The following CCSER1 variants were observed in gnomAD, a reference collection of about 807,000 sequenced individuals.
The protein encoded by CCSER1 is coiled-coil serine rich protein 1, also known as serine-rich coiled-coil domain-containing protein 1.
A neutral mutation model predicts 82.0 loss-of-function variants in CCSER1; 41 were observed. The observed-to-expected ratio is 0.50, with a 90% confidence interval of 0.39 to 0.65. The LOEUF is 0.65. Ranked by LOEUF, CCSER1 falls within the 30% of genes least tolerant of loss-of-function variation. CCSER1 has a pLI of 0.00. For synonymous variants in CCSER1, 414 were observed against 383.9 expected (o/e 1.08, Z -0.92); for missense variants, 1,119 against 1,064.2 (o/e 1.05, Z -0.72).
At chr4:91,455,935 G>A (rs2149424894) in intron 10 of CCSER1, among the ~76,000 whole-genome samples, 1 of 152,168 alleles carries the variant, frequency 6.6e-6, no homozygotes, top group East Asian at 1.9e-4. Flanking sequence ...GCATAGTGAA[G>A]GGGAATTCAG....
At chr4:90,183,758 G>A (rs1346433628) in intron 1 of CCSER1, among the ~76,000 whole-genome samples, 1 of 152,010 alleles carries the variant, frequency 6.6e-6, no homozygotes, top group Admixed American at 6.6e-5. Context: ...TCACAATCTG[G>A]CAGTGTTAAG....
chr4:90,143,318 T>C (rs561608283), intron 1 of CCSER1, among the ~76,000 whole-genome samples: 36 of 152,312 alleles, frequency 2.4e-4, no homozygotes, highest in African/African-American at 6.5e-4. Flanking sequence ...AAACTCTCAC[T>C]ACCATGTACC....
At chr4:91,145,625 C>T (rs13104402) in intron 10 of CCSER1, among the ~76,000 whole-genome samples, 102,141 of 151,988 alleles carry the variant, frequency 0.67, 35,706 homozygotes, top group Non-Finnish European at 0.78. Flanking sequence ...CTCTCTTCGG[C>T]GTCACTGTAA....
chr4:90,524,026 T>C (rs978841967), intron 5 of CCSER1, among the ~76,000 whole-genome samples: 2 of 152,090 alleles, frequency 1.3e-5, no homozygotes, highest in Non-Finnish European at 2.9e-5. Flanking sequence ...TTTGTAGTGT[T>C]CAAAGTCATA....
intron 10 of CCSER1, among the ~76,000 whole-genome samples, chr4:91,191,792 C>A (rs548931643): frequency 5.3e-5 from 8 of 152,288 alleles, no homozygotes; most frequent in Admixed American, 2.6e-4. Flanking sequence ...GCATCCGTAC[C>A]ATGGTGTGCG....
At chr4:90,920,675 C>T (rs1325489945) in intron 8 of CCSER1, among the ~76,000 whole-genome samples, 3 of 151,808 alleles carry the variant, frequency 2.0e-5, no homozygotes, top group Admixed American at 1.3e-4. Context: ...ACACACACCT[C>T]GGGCTCTCTC....
intron 8 of CCSER1, chr4:90,839,061 A>G (rs1390710588): frequency 6.2e-7 from 1 of 1,607,072 alleles, no homozygotes; most frequent in Non-Finnish European, 8.5e-7. Context: ...AAGCGGAGCG[A>G]GGCGCGCGAG....
intron 10 of CCSER1, among the ~76,000 whole-genome samples, chr4:91,284,946 AT>A (rs1313727833): frequency 1.3e-5 from 2 of 152,080 alleles, no homozygotes; most frequent in Non-Finnish European, 2.9e-5. Context: ...GAACAAAAAA[AT>A]ATGTACTTTA....
chr4:90,329,751 A>G (rs1738935938), intron 3 of CCSER1, among the ~76,000 whole-genome samples: 1 of 152,172 alleles, frequency 6.6e-6, no homozygotes, highest in Admixed American at 6.5e-5. Context: ...TTAGTTAGAA[A>G]GTTTACTCAA....
At chr4:90,989,512 C>T (rs1215772884) in intron 9 of CCSER1, among the ~76,000 whole-genome samples, 1 of 151,606 alleles carries the variant, frequency 6.6e-6, no homozygotes, top group Non-Finnish European at 1.5e-5. Context: ...GAGATAGCTT[C>T]TGAGAATAAT....
At chr4:90,336,980 A>G (rs1251033974) in intron 3 of CCSER1, among the ~76,000 whole-genome samples, 1 of 152,242 alleles carries the variant, frequency 6.6e-6, no homozygotes, top group Non-Finnish European at 1.5e-5. Context: ...ACAAAACATT[A>G]CAAACTGCAA....
At chr4:90,918,315 A>C (rs981703590) in intron 8 of CCSER1, 1 of 450,638 alleles carries the variant, frequency 2.2e-6, no homozygotes, top group Non-Finnish European at 4.4e-6. Context: ...AAATTTCATC[A>C]ACTTTTATGT....
chr4:90,470,884 C>T (rs34748205), intron 5 of CCSER1, among the ~76,000 whole-genome samples: 3 of 150,492 alleles, frequency 2.0e-5, no homozygotes, highest in Admixed American at 6.6e-5. Context: ...TATTTGGTGG[C>T]GATTGACTAG....
chr4:91,591,565 T>G (rs1412865872), intron 10 of CCSER1, among the ~76,000 whole-genome samples: 2 of 152,118 alleles, frequency 1.3e-5, no homozygotes, highest in African/African-American at 2.4e-5. Flanking sequence ...AGTTGCTGAG[T>G]TTTTATTCTA....
intron 1 of CCSER1, among the ~76,000 whole-genome samples, chr4:90,211,057 C>G (rs919342244): frequency 6.6e-6 from 1 of 152,260 alleles, no homozygotes; most frequent in South Asian, 2.1e-4. Context: ...AGTCCAGTTT[C>G]ATAGGCATTT....
chr4:91,307,425 A>G (rs1745148637), intron 10 of CCSER1, among the ~76,000 whole-genome samples: 1 of 151,866 alleles, frequency 6.6e-6, no homozygotes, highest in African/African-American at 2.4e-5. Flanking sequence ...TTAGCCCAAT[A>G]TCATTATACT....
chr4:90,498,050 C>T (rs989618513), intron 5 of CCSER1, among the ~76,000 whole-genome samples: 1 of 149,822 alleles, frequency 6.7e-6, no homozygotes, highest in Non-Finnish European at 1.5e-5. Context: ...TATTTTGGTT[C>T]TAGTAATCCC....
At chr4:90,872,051 G>T (rs1195077821) in intron 8 of CCSER1, among the ~76,000 whole-genome samples, 1 of 151,314 alleles carries the variant, frequency 6.6e-6, no homozygotes, top group African/African-American at 2.4e-5. Context: ...CAGTGTATGT[G>T]TGTGTTTATG....
At chr4:91,440,647 C>T (rs752736367) in intron 10 of CCSER1, among the ~76,000 whole-genome samples, 1 of 151,914 alleles carries the variant, frequency 6.6e-6, no homozygotes, top group Non-Finnish European at 1.5e-5. Flanking sequence ...AATAGAGACA[C>T]AAAAAACCCT....
Sources: allele counts gnomAD v4.1 joint callset (sites outside exome capture counted in the v4.1 genomes callset), GRCh38; gene constraint gnomAD v4.1.1; transcripts MANE v1.5; gene names NCBI Gene and HGNC (gene_info 2026-07-23, HGNC 2026-07-21).